The following PPFIBP1 variants were observed in gnomAD, a reference collection of about 807,000 sequenced individuals.
PPFIBP1 encodes the protein PPFIB scaffold protein 1, also known as liprin-beta-1.
PPFIBP1 carries 112 observed loss-of-function variants against 137.8 expected under a neutral mutation model. The ratio of observed to expected loss-of-function variants is 0.81; its 90% CI spans 0.70 to 0.95. PPFIBP1 has a LOEUF of 0.95. Among genes scored for constraint, PPFIBP1 ranks in the 40% least tolerant of loss-of-function variants. PPFIBP1 has a pLI of 0.00. For synonymous variants in PPFIBP1, 378 were observed against 417.3 expected (o/e 0.91, Z 1.15); for missense variants, 1,083 against 1,196.6 (o/e 0.91, Z 1.40).
intron 1 of PPFIBP1, among the ~76,000 whole-genome samples, chr12:27,556,640 CTGGATTTGTGTTGT>C (rs1315696734): frequency 3.3e-5 from 5 of 152,176 alleles, no homozygotes; most frequent in Non-Finnish European, 7.3e-5. Context: ...TGCTGGCAGT[CTGGATTTGTGTTGT>C]TTTAGAAGTT....
intron 1 of PPFIBP1, among the ~76,000 whole-genome samples, chr12:27,577,213 CTT>C (rs34428994): frequency 2.9e-4 from 42 of 143,740 alleles, no homozygotes; most frequent in East Asian, 6.0e-4. Context: ...TTTTCTGAAG[CTT>C]TTTTTTTTTT....
chr12:27,546,198 G>T (rs956132069), intron 1 of PPFIBP1, among the ~76,000 whole-genome samples: 1 of 152,170 alleles, frequency 6.6e-6, no homozygotes, highest in African/African-American at 2.4e-5. Context: ...TTGGCAGATT[G>T]TTGTGGGAAA....
chr12:27,646,003 A>T, intron 4 of PPFIBP1, 59 bp from the exon 5 acceptor site: 5 of 1,262,898 alleles, frequency 4.0e-6, no homozygotes, highest in Non-Finnish European at 5.7e-6. Context: ...ATTTTCATTT[A>T]TCTACGATAT....
intron 2 of PPFIBP1, among the ~76,000 whole-genome samples, chr12:27,603,702 A>G (rs1182016421): frequency 6.6e-6 from 1 of 152,206 alleles, no homozygotes; most frequent in Non-Finnish European, 1.5e-5. Flanking sequence ...TTTCAATTGC[A>G]TGAGAGCCAC....
intron 1 of PPFIBP1, among the ~76,000 whole-genome samples, chr12:27,543,080 A>G (rs1945840058): frequency 6.6e-6 from 1 of 152,230 alleles, no homozygotes; most frequent in Non-Finnish European, 1.5e-5. Context: ...TCTAAAAGTT[A>G]GGTTAGATTT....
At position 27,671,517 on chromosome 12, in the gene PPFIBP1, T is replaced by G. The variant is rs760404658; in HGVS notation, c.1233T>G (p.Thr411=). ...AAACTTCTGAAAAATCAAAGTTGAC[T>G]CCTAAGCCAGAGACTTCATTTGAAG... is the stretch of plus-strand genomic sequence containing the variant. The part of the protein sequence containing the change: ...SMETSEKSKL[T]PKPETSFEEN... The change falls in exon 14 of 30, where the codon ACT becomes ACG. Residue 411 remains threonine, a synonymous_variant. Coordinates refer to ENST00000228425, the MANE Select transcript of PPFIBP1 (RefSeq NM_003622.4). 3 of 1,595,590 alleles carry G rather than the reference T, an allele frequency of 1.9e-6. No individual in the cohort carries two copies. The South Asian group carries it at 3.4e-5, about 18-fold the overall frequency.
intron 7 of PPFIBP1, 32 bp downstream of exon 7, chr12:27,650,173 C>T: frequency 6.5e-7 from 1 of 1,537,586 alleles, no homozygotes; most frequent in Non-Finnish European, 8.9e-7. Context: ...CCCTCTCTCT[C>T]TCTCTCTGTC....
chr12:27,557,665 C>G (rs966656370), intron 1 of PPFIBP1, among the ~76,000 whole-genome samples: 1 of 152,162 alleles, frequency 6.6e-6, no homozygotes, highest in African/African-American at 2.4e-5. Flanking sequence ...TAAAAGAACT[C>G]TGTCTTTTGA....
At chr12:27,671,627 C>A in intron 14 of PPFIBP1, 81 bp downstream of exon 14, 1 of 888,488 alleles carries the variant, frequency 1.1e-6, no homozygotes, top group Non-Finnish European at 1.7e-6. Context: ...CATTTATTTA[C>A]AGACACAATT....
At chr12:27,583,792 G>A (rs2051389468) in intron 2 of PPFIBP1, among the ~76,000 whole-genome samples, 1 of 152,174 alleles carries the variant, frequency 6.6e-6, no homozygotes, top group Non-Finnish European at 1.5e-5. Flanking sequence ...AAGACTGTGA[G>A]TAATTCAAGG....
intron 1 of PPFIBP1, among the ~76,000 whole-genome samples, chr12:27,525,496 T>G (rs918922639): frequency 7.3e-6 from 1 of 137,904 alleles, no homozygotes; most frequent in African/African-American, 2.7e-5. Context: ...TTTAAGGCTC[T>G]CTTTTGGAGC....
Position 27,693,550 on chromosome 12 carries a change from A to G in PPFIBP1, c.*668A>G, listed in dbSNP as rs538298255. On this transcript the variant is annotated 3_prime_UTR_variant, in exon 30 of 30. Transcript: ENST00000228425. ...TCTTTCTCCATACTGACTTTTAACA[A>G]TGTTGATCATTGAGGCTAAATTAAT... The G allele has an allele frequency of 1.4e-4, 22 of 152,326 alleles. No homozygotes were observed. The highest frequency in any genetic ancestry group is 4.8e-4 in the African/African-American group (20 of 41,582). 9.4% of individuals were successfully genotyped at this position (152,326 alleles called of 1,614,324 possible). A position where few individuals can be genotyped will look rare whatever the true frequency, so the allele number is the denominator to read the frequency against.
chr12:27,687,245 A>C, intron 24 of PPFIBP1, 140 bp from the exon 25 acceptor site: 1 of 966,762 alleles, frequency 1.0e-6, no homozygotes, highest in Non-Finnish European at 1.4e-6. Flanking sequence ...TCCAAATGGG[A>C]AAGTGGGTTC....
chr12:27,633,311 A>G, intron 2 of PPFIBP1, 51 bp from the exon 3 acceptor site: 1 of 1,282,026 alleles, frequency 7.8e-7, no homozygotes, highest in Non-Finnish European at 1.1e-6. Context: ...GAAACCCACT[A>G]GCAAGCCTAT....
rs1430125233 is a variant in PPFIBP1 at position 27,656,800 on chromosome 12, A to G, written c.811+70A>G. On this transcript the variant is annotated intron_variant, in intron 9 of 29. Coordinates refer to ENST00000228425, the MANE Select transcript of PPFIBP1 (RefSeq NM_003622.4). ...CCTCCAAAATCTGTAAAGGAAACCAATGAAAATCAATGTGTAGTTTTAGCA... is the reference window on the plus strand; with the variant it reads ...CCTCCAAAATCTGTAAAGGAAACCAGTGAAAATCAATGTGTAGTTTTAGCA... 80 of 1,007,960 alleles carry G rather than the reference A, an allele frequency of 7.9e-5. No individual in the cohort carries two copies. The South Asian group carries it at 9.4e-4, about 12-fold the overall frequency. 62.4% of individuals were successfully genotyped at this position (1,007,960 alleles called of 1,614,324 possible).
At chr12:27,669,271 A>G (rs1565979152) in intron 13 of PPFIBP1, among the ~76,000 whole-genome samples, 1 of 152,336 alleles carries the variant, frequency 6.6e-6, no homozygotes, top group East Asian at 1.9e-4. Flanking sequence ...TAATCAAGGA[A>G]TTAGTTAAGG....
At chr12:27,623,050 A>G (rs1392899641) in intron 2 of PPFIBP1, among the ~76,000 whole-genome samples, 2 of 152,164 alleles carry the variant, frequency 1.3e-5, no homozygotes, top group Non-Finnish European at 2.9e-5. Flanking sequence ...ATGGGTATAC[A>G]TATCCCAGAA....
chr12:27,545,905 A>G (rs1403788831), intron 1 of PPFIBP1, among the ~76,000 whole-genome samples: 5 of 152,232 alleles, frequency 3.3e-5, no homozygotes, highest in Admixed American at 3.3e-4. Flanking sequence ...GATGTTGGAC[A>G]CGGTAGTCGT....
chr12:27,634,139 CT>C lies in PPFIBP1; in HGVS notation c.64+702del, dbSNP rs375816732. ...CGTGAGCCACCGTACCCGGCCATAT[CT>C]TTTTTTTTTTTTTTTTTTTTTTAAG... On this transcript the variant is annotated intron_variant, in intron 3 of 29. Coordinates refer to ENST00000228425, the MANE Select transcript of PPFIBP1 (RefSeq NM_003622.4). 7.1e-3 allele frequency among the ~76,000 whole-genome samples: 791 copies of C among 111,606 alleles called. 6 individuals are homozygous for C. Among genetic ancestry groups the C allele is most frequent in the South Asian group, 0.015 (52 of 3,444 alleles). 73.2% of individuals were successfully genotyped at this position (111,606 alleles called of 152,430 possible).
Sources: allele counts gnomAD v4.1 joint callset (sites outside exome capture counted in the v4.1 genomes callset), GRCh38; gene constraint gnomAD v4.1.1; transcripts MANE v1.5; gene names NCBI Gene and HGNC (gene_info 2026-07-23, HGNC 2026-07-21).